TPST2: variants seen among roughly 807,000 people sequenced by gnomAD.
TPST2 encodes the protein protein-tyrosine sulfotransferase 2.
A neutral mutation model predicts 27.8 loss-of-function variants in TPST2; 16 were observed. The ratio of observed to expected loss-of-function variants is 0.58; its 90% confidence interval spans 0.39 to 0.88. The LOEUF is 0.88. TPST2 is among the 40% of genes least tolerant of loss of function. The pLI, the probability that TPST2 is intolerant of heterozygous loss-of-function variation, is 0.00. For synonymous variants in TPST2, 229 were observed against 231.7 expected, an observed-to-expected ratio of 0.99 and a Z score of 0.10; for missense variants, 464 against 543.1, an observed-to-expected ratio of 0.85 and a Z score of 1.45.
chr22:26,581,545 T>C (rs1158606663), intron 1 of TPST2, among the ~76,000 whole-genome samples: 3 of 152,184 alleles, frequency 2.0e-5, no homozygotes, highest in African/African-American at 7.2e-5. Context: ...TCCTGTCCAA[T>C]AAGAATCAGT....
At chr22:26,570,023 GA>G (rs1265008482) in intron 1 of TPST2, among the ~76,000 whole-genome samples, 1 of 115,948 alleles carries the variant, frequency 8.6e-6, no homozygotes, top group African/African-American at 3.6e-5. Flanking sequence ...AAGAAAGAAA[GA>G]AAGAAAGAAA....
intron 1 of TPST2, chr22:26,560,738 C>A: frequency 1.8e-6 from 2 of 1,140,106 alleles, no homozygotes; most frequent in Non-Finnish European, 1.3e-6. Context: ...AGGCCCATTA[C>A]GAAAGAGAAA....
chr22:26,583,638 G>A (rs577656075), intron 1 of TPST2, among the ~76,000 whole-genome samples: 117 of 151,322 alleles, frequency 7.7e-4, no homozygotes, highest in Middle Eastern at 3.5e-3. Flanking sequence ...GGCGGAGTTC[G>A]AGACCAGCCT....
chr22:26,530,945 G>A (rs909247278), intron 5 of TPST2, among the ~76,000 whole-genome samples: 1 of 152,122 alleles, frequency 6.6e-6, no homozygotes. Context: ...GGAGGCAGAA[G>A]CCGCAGTGAG....
At chr22:26,584,391 G>A (rs1928252856) in intron 1 of TPST2, among the ~76,000 whole-genome samples, 2 of 152,260 alleles carry the variant, frequency 1.3e-5, no homozygotes, top group South Asian at 4.1e-4. Flanking sequence ...GAGGGATGGA[G>A]AGCGGATCAA....
rs1241080700 is a variant in TPST2 at position 26,532,738 on chromosome 22, T to C, written c.1049A>G (p.Lys350Arg). Residue 350 changes from lysine to arginine, a missense_variant, in exon 5 of 7, where the codon AAA becomes AGA. Coordinates refer to ENST00000338754, the MANE Select transcript of TPST2 (RefSeq NM_003595.5). ...FVINNTQRVL[K>R]GDYKTPANLK... ...ATTGGCTGGTGTTTTATAGTCCCCT[T>C]TCAAGACCTAAGGAAGAGAAAAAGA... The C allele has an allele frequency of 1.2e-6, 2 of 1,613,718 alleles. No homozygotes were observed.
Position 26,541,313 on chromosome 22 carries a change from C to G in TPST2, c.318G>C (p.Val106=), listed in dbSNP as rs996685453. The G allele has an allele frequency of 6.5e-7, 1 of 1,544,654 alleles. No individual in the cohort carries two copies. The highest frequency in any genetic ancestry group is 8.7e-7 in the Non-Finnish European group (1 of 1,143,578). ...TGGACCAGGCCTGGCGCATGGCCAG[C>G]ACGCGCGGGATGATGCGGGTCTCCT... is the stretch of plus-strand genomic sequence containing the variant. The part of the protein sequence containing the change: ...CGEETRIIPR[V]LAMRQAWSKS... The change falls in exon 3 of 7, where the codon GTG becomes GTC. Residue 106 remains valine (V), a synonymous_variant. Transcript: ENST00000338754. This position sits in a 1 kb window ranked among gnomAD's most constrained non-coding sequence, Gnocchi z 5.9.
intron 1 of TPST2, among the ~76,000 whole-genome samples, chr22:26,576,870 G>A (rs1927858125): frequency 6.6e-6 from 1 of 151,812 alleles, no homozygotes; most frequent in African/African-American, 2.4e-5. Flanking sequence ...GCCGAGGCGG[G>A]TGGATCACAA....
intron 1 of TPST2, among the ~76,000 whole-genome samples, chr22:26,548,493 A>G (rs1177773382): frequency 6.6e-6 from 1 of 150,700 alleles, no homozygotes; most frequent in Non-Finnish European, 1.5e-5. Context: ...AAGAAAGAAG[A>G]AAGGAAGGAA....
intron 6 of TPST2, 120 bp downstream of exon 6, chr22:26,528,094 C>T: frequency 8.4e-7 from 1 of 1,190,030 alleles, no homozygotes; most frequent in Non-Finnish European, 1.2e-6. Context: ...GGTCAGCCCA[C>T]CCTAGTGGAC....
At chr22:26,570,029 A>AAGAAAGAAAGAAAGAC (rs1569193900) in intron 1 of TPST2, among the ~76,000 whole-genome samples, 9 of 126,822 alleles carry the variant, frequency 7.1e-5, no homozygotes, top group African/African-American at 2.8e-4. Context: ...GAAAGAAAGA[A>AAGAAAGAAAGAAAGAC]AGAAAGAAAG....
chr22:26,584,858 G>A (rs1313251293), intron 1 of TPST2, among the ~76,000 whole-genome samples: 1 of 152,194 alleles, frequency 6.6e-6, no homozygotes, highest in Non-Finnish European at 1.5e-5. Context: ...AACAGTGTCT[G>A]GCACCCAGTA....
chr22:26,536,486 C>G lies in TPST2; in HGVS notation c.843G>C (p.Lys281Asn), dbSNP rs1461161203. 1.3e-6 allele frequency: 2 copies of G among 1,521,208 alleles called. No individual in the cohort carries two copies. The highest frequency in any genetic ancestry group is 1.8e-6 in the Non-Finnish European group (2 of 1,134,870). The allele number at this position is 1,521,208 out of a possible 1,614,324, so 94.2% of individuals were successfully genotyped here. ...IGKPGGVSLS[K>N]IERSTDQVIK... ...TGACCTGGTCCGTGGACCGCTCGAT[C>G]CTGGGGAGAGAGGAGACGCTGGAGA... The change falls in exon 4 of 7, where the codon AAG (lysine) becomes AAC (asparagine). Residue 281 changes from lysine to asparagine, a missense_variant and splice_region_variant. Transcript: ENST00000338754.
In TPST2 at chr22:26,581,949, T is replaced by C. The variant is rs577360145; in HGVS notation, c.-161+8104A>G. On this transcript the variant is annotated intron_variant, in intron 1 of 6. Coordinates refer to ENST00000338754, the MANE Select transcript of TPST2 (RefSeq NM_003595.5). Reference sequence around the variant, plus strand: ...ATGTCAATAAATAAGCATAGCTGTGTTCCGATAAAACTTTATTTACAAATA... The same window carrying C: ...ATGTCAATAAATAAGCATAGCTGTGCTCCGATAAAACTTTATTTACAAATA... 5.3e-5 allele frequency among the ~76,000 whole-genome samples: 8 copies of C among 152,302 alleles called. No homozygotes were observed. The East Asian group carries it at 1.5e-3, about 29-fold the overall frequency.
chr22:26,562,490 C>T (rs903502435), intron 1 of TPST2, among the ~76,000 whole-genome samples: 1 of 152,190 alleles, frequency 6.6e-6, no homozygotes, highest in Non-Finnish European at 1.5e-5. Context: ...CTCTATATTA[C>T]AAACTGGAGG....
At chr22:26,562,262 G>T (rs1927142350) in intron 1 of TPST2, among the ~76,000 whole-genome samples, 1 of 152,186 alleles carries the variant, frequency 6.6e-6, no homozygotes, top group African/African-American at 2.4e-5. Flanking sequence ...CCATATGCGA[G>T]AAGGACTTAT....
intron 4 of TPST2, among the ~76,000 whole-genome samples, chr22:26,535,119 G>C (rs1925379258): frequency 6.6e-6 from 1 of 152,240 alleles, no homozygotes. Flanking sequence ...GAGTGCTAGA[G>C]AGGTGGTAAT....
chr22:26,583,436 CAAAAAAAAAA>C (rs775047318), intron 1 of TPST2, among the ~76,000 whole-genome samples: 2 of 63,648 alleles, frequency 3.1e-5, no homozygotes, highest in Admixed American at 2.1e-4. Flanking sequence ...AACTCCATCT[CAAAAAAAAAA>C]AAAAAAAAAA....
intron 1 of TPST2, among the ~76,000 whole-genome samples, chr22:26,568,815 TTTACTTCCTTAGTAAACTTGCTTTC>T (rs1927477417): frequency 1.3e-5 from 2 of 152,190 alleles, no homozygotes; most frequent in South Asian, 4.1e-4. Context: ...CTATTGTTTG[TTTACTTCCTTAGTAAACTTGCTTTC>T]ACTTTATGAA....
Sources: gnomAD v4.1 joint callset for allele counts (sites outside exome capture counted in the v4.1 genomes callset) on GRCh38, gnomAD v4.1.1 for gene constraint, Gnocchi (gnomAD v3.1) non-coding constraint, MANE v1.5 for transcripts, NCBI Gene and HGNC (gene_info 2026-07-23, HGNC 2026-07-21) for gene names.